Variants in PHACTR2 observed in about 807,000 individuals in gnomAD.
PHACTR2 encodes the protein phosphatase and actin regulator 2, also known as chromosome 6 open reading frame 56.
In PHACTR2, 30 loss-of-function variants were observed where a neutral mutation model predicts 76.0. That is an observed-to-expected ratio of 0.39 (90% confidence interval 0.30 to 0.54). The LOEUF (loss-of-function observed/expected upper bound fraction) is 0.54. Ranked by LOEUF, PHACTR2 falls within the 20% of genes least tolerant of loss-of-function variation. The pLI is 0.61. For missense variants in PHACTR2, 696 were observed against 781.1 expected, an observed-to-expected ratio of 0.89 and a Z score of 1.30; for synonymous variants, 292 against 292.5, an observed-to-expected ratio of 1.00 and a Z score of 0.02.
chr6:143,708,330 C>T lies in PHACTR2; in HGVS notation c.47-3686C>T, dbSNP rs1316809940. On this transcript the variant is annotated intron_variant, in intron 1 of 12. Coordinates refer to ENST00000440869, the MANE Select transcript of PHACTR2 (RefSeq NM_001100164.2). This position sits in a 1 kb window ranked among gnomAD's most constrained non-coding sequence, Gnocchi z 5.5. ...TGAGCTGTGTCATTTAAAGTCTCTA[C>T]ATTTGATTAGCTAATGACTGTATTT... Among the ~76,000 whole-genome samples, 1 of 152,182 alleles carries T rather than the reference C, an allele frequency of 6.6e-6. No individual in the cohort carries two copies. Among genetic ancestry groups the T allele is most frequent in the Non-Finnish European group, 1.5e-5 (1 of 68,040 alleles).
intron 2 of PHACTR2, among the ~76,000 whole-genome samples, chr6:143,737,474 T>C (rs1562288110): frequency 6.6e-6 from 1 of 152,052 alleles, no homozygotes; most frequent in Non-Finnish European, 1.5e-5. Context: ...TTCTATTATA[T>C]ATAGTATGTA....
At chr6:143,649,036 G>T (rs984395926) in intron 1 of PHACTR2, among the ~76,000 whole-genome samples, 3 of 152,060 alleles carry the variant, frequency 2.0e-5, no homozygotes, top group African/African-American at 7.2e-5. Context: ...GTGCATGACT[G>T]TGTGTGTCTG....
rs1299036224 is a variant in PHACTR2, at chr6:143,811,284, TTG to T, written c.1922+4153_1922+4154del. Among the ~76,000 whole-genome samples the T allele has an allele frequency of 6.6e-6, 1 of 152,220 alleles. No homozygotes were observed. Among genetic ancestry groups the T allele is most frequent in the Non-Finnish European group, 1.5e-5 (1 of 68,028 alleles). The stretch of plus-strand genomic sequence containing the variant: ...TGCTTATTATGTTCTAATGAGCTGT[TTG>T]TCTATCCATGTCTATATCCTACTGT... On this transcript the variant is annotated intron_variant, in intron 12 of 12. Coordinates refer to ENST00000440869, the MANE Select transcript of PHACTR2 (RefSeq NM_001100164.2). The surrounding 1 kb of genome is among the most constrained non-coding windows in gnomAD (Gnocchi z 4.1).
chr6:143,705,180 G>A (rs958255155), intron 1 of PHACTR2, among the ~76,000 whole-genome samples: 3 of 151,920 alleles, frequency 2.0e-5, no homozygotes, highest in Middle Eastern at 3.4e-3. Flanking sequence ...GTAAAGTGGC[G>A]CGATCTTGGC....
At position 143,739,612 on chromosome 6, in the gene PHACTR2, A is replaced by T. The variant is rs1385319900; in HGVS notation, c.215-9373A>T. On this transcript the variant is annotated intron_variant, in intron 2 of 12. Coordinates refer to ENST00000440869, the MANE Select transcript of PHACTR2 (RefSeq NM_001100164.2). This position sits in a 1 kb window ranked among gnomAD's most constrained non-coding sequence, Gnocchi z 4.3. ...TTCGTGTTTCTTATGAGTTTGCGAG[A>T]GTCCGAGTGAAGGGGAAGGACAGGC... Among the ~76,000 whole-genome samples, 1 of 152,224 alleles carries T rather than the reference A, an allele frequency of 6.6e-6. No individual in the cohort carries two copies. Among genetic ancestry groups the T allele is most frequent in the Non-Finnish European group, 1.5e-5 (1 of 68,028 alleles).
rs139886638 is a variant in PHACTR2 at position 143,766,738 on chromosome 6, A to C, written c.1232+940A>C. On this transcript the variant is annotated intron_variant, in intron 6 of 12. Transcript: ENST00000440869. ...CAAGCTGGAAACCTGGGGTTCATCC[A>C]AGGGTCCTCATTCTCTTTCATTCTT... Among the ~76,000 whole-genome samples the C allele has an allele frequency of 5.2e-3, 791 of 152,332 alleles. 8 individuals carry two copies. The highest frequency in any genetic ancestry group is 0.018 in the African/African-American group (758 of 41,576).
At chr6:143,737,028 T>G (rs1388269085) in intron 2 of PHACTR2, among the ~76,000 whole-genome samples, 2 of 151,946 alleles carry the variant, frequency 1.3e-5, no homozygotes, top group Non-Finnish European at 2.9e-5. Context: ...AAAGGTATAT[T>G]CTTAAGAGGA....
chr6:143,783,802 C>A lies in PHACTR2; in HGVS notation c.1707+522C>A, dbSNP rs1775488327. On this transcript the variant is annotated intron_variant, in intron 10 of 12. Coordinates refer to ENST00000440869, the MANE Select transcript of PHACTR2 (RefSeq NM_001100164.2). The surrounding 1 kb of genome is among the most constrained non-coding windows in gnomAD (Gnocchi z 5.2). ...ACACAAAAAAAGAAAAAAATAAAAT[C>A]ATGTCTTTCATTCAGAGACAGCCAT... Among the ~76,000 whole-genome samples the A allele has an allele frequency of 6.6e-6, 1 of 151,954 alleles. No homozygotes were observed. Among genetic ancestry groups the A allele is most frequent in the African/African-American group, 2.4e-5 (1 of 41,378 alleles).
At position 143,779,475 on chromosome 6, in the gene PHACTR2, G is replaced by A. The variant is rs150114546; in HGVS notation, c.1645+2092G>A. 2.2e-3 allele frequency among the ~76,000 whole-genome samples: 331 copies of A among 151,600 alleles called. 1 individual carries two copies. Among genetic ancestry groups the A allele is most frequent in the African/African-American group, 7.8e-3 (323 of 41,326 alleles). On this transcript the variant is annotated intron_variant, in intron 9 of 12. Coordinates refer to ENST00000440869, the MANE Select transcript of PHACTR2 (RefSeq NM_001100164.2). The stretch of plus-strand genomic sequence containing the variant: ...GTGATTTTCCTGCCTCAGTCGTCCC[G>A]AGTAGCTGGGACTACAGGTGCGCAT...
chr6:143,798,433 A>G (rs996950767), intron 11 of PHACTR2, among the ~76,000 whole-genome samples: 4 of 152,110 alleles, frequency 2.6e-5, no homozygotes, highest in Admixed American at 2.6e-4. Flanking sequence ...TTCCAACATT[A>G]TGTTGAATAG....
chr6:143,795,859 TATACTC>T lies in PHACTR2; in HGVS notation c.1845+6953_1845+6958del, dbSNP rs772106107. On this transcript the variant is annotated intron_variant, in intron 11 of 12. Coordinates refer to ENST00000440869, the MANE Select transcript of PHACTR2 (RefSeq NM_001100164.2). The surrounding 1 kb of genome is among the most constrained non-coding windows in gnomAD (Gnocchi z 4.8). ...AATAAATGGTAGCTATTACCAATAT[TATACTC>T]ATAGTCAGGGATGAGAAGCCAAGCT... Among the ~76,000 whole-genome samples the T allele has an allele frequency of 1.3e-5, 2 of 152,240 alleles. No individual in the cohort carries two copies. Among genetic ancestry groups the T allele is most frequent in the Non-Finnish European group, 2.9e-5 (2 of 68,040 alleles).
Position 143,599,653 on chromosome 6 carries a change from G to A in PHACTR2, c.217+62446G>A, listed in dbSNP as rs1262400745. On this transcript the variant is annotated intron_variant, in intron 1 of 11. Transcript: ENST00000367584. The surrounding 1 kb of genome is among the most constrained non-coding windows in gnomAD (Gnocchi z 4.6). The stretch of plus-strand genomic sequence containing the variant: ...GATGAATCCCAAACAGCCTACGGAG[G>A]AAATTTTTTGAGTTGCAAAGGGTGC... Among the ~76,000 whole-genome samples the A allele has an allele frequency of 6.6e-6, 1 of 152,176 alleles. No homozygotes were observed. Among genetic ancestry groups the A allele is most frequent in the Non-Finnish European group, 1.5e-5 (1 of 68,026 alleles).
intron 1 of PHACTR2, among the ~76,000 whole-genome samples, chr6:143,590,424 G>A (rs1269610316): frequency 2.0e-5 from 3 of 152,064 alleles, no homozygotes; most frequent in African/African-American, 4.8e-5. Flanking sequence ...CTGTCAGCCT[G>A]TGGTTGCTTA....
chr6:143,631,975 A>G (rs1562253865), intron 1 of PHACTR2, among the ~76,000 whole-genome samples: 1 of 152,194 alleles, frequency 6.6e-6, no homozygotes, highest in Non-Finnish European at 1.5e-5. Context: ...CTAATACATG[A>G]AAGTAAGTAG....
Position 143,589,350 on chromosome 6 carries a change from G to A in PHACTR2, c.217+52143G>A, listed in dbSNP as rs1264875494. 1.3e-5 allele frequency among the ~76,000 whole-genome samples: 2 copies of A among 152,112 alleles called. No homozygotes were observed. The highest frequency in any genetic ancestry group is 4.8e-5 in the African/African-American group (2 of 41,418). ...ATATCTGGTTGTTTAAAAGTGTGGGGCACCTCACCCTTTGCTCTCTTCCTC... is the reference window on the plus strand; with the variant it reads ...ATATCTGGTTGTTTAAAAGTGTGGGACACCTCACCCTTTGCTCTCTTCCTC... On this transcript the variant is annotated intron_variant, in intron 1 of 11. Coordinates refer to the PHACTR2 transcript ENST00000367584. This position sits in a 1 kb window ranked among gnomAD's most constrained non-coding sequence, Gnocchi z 4.4.
intron 11 of PHACTR2, among the ~76,000 whole-genome samples, chr6:143,805,937 A>G (rs1776053797): frequency 6.6e-6 from 1 of 152,130 alleles, no homozygotes; most frequent in African/African-American, 2.4e-5. Flanking sequence ...TCCCTTTCCT[A>G]AAATGTATTA....
upstream of PHACTR2, among the ~76,000 whole-genome samples, chr6:143,677,190 A>G (rs1477929708): frequency 1.3e-5 from 2 of 152,130 alleles, no homozygotes; most frequent in Non-Finnish European, 2.9e-5. Context: ...CCATATACAG[A>G]TGTTCCATAT....
rs1469641066 is a variant in PHACTR2 at position 143,618,893 on chromosome 6, C to T, written c.13+10571C>T. On this transcript the variant is annotated intron_variant, in intron 1 of 11. Transcript: ENST00000305766. The surrounding 1 kb of genome is among the most constrained non-coding windows in gnomAD (Gnocchi z 5.2). ...TGCTGCTTCACGTGCTCCTCAAGAA[C>T]AGGGCCACGTCTCCTTCTTGAGCCT... 6.6e-6 allele frequency among the ~76,000 whole-genome samples: 1 copy of T among 152,102 alleles called. No homozygotes were observed. The highest frequency in any genetic ancestry group is 2.4e-5 in the African/African-American group (1 of 41,416).
intron 1 of PHACTR2, among the ~76,000 whole-genome samples, chr6:143,636,018 G>T (rs969790364): frequency 1.3e-5 from 2 of 152,110 alleles, no homozygotes; most frequent in Non-Finnish European, 2.9e-5. Flanking sequence ...GGCCAGCCTG[G>T]CCAACATGGC....
Sources: allele counts gnomAD v4.1 joint callset (sites outside exome capture counted in the v4.1 genomes callset), GRCh38; gene constraint gnomAD v4.1.1; non-coding constraint Gnocchi (gnomAD v3.1); transcripts MANE v1.5; gene names NCBI Gene and HGNC (gene_info 2026-07-23, HGNC 2026-07-21).